The following RANBP2 variants were observed in gnomAD, a reference collection of about 807,000 sequenced individuals.
The protein encoded by RANBP2 is E3 SUMO-protein ligase RanBP2.
In RANBP2, 57 loss-of-function variants were observed where a neutral mutation model predicts 303.6. That is an observed-to-expected ratio of 0.19 (90% CI 0.15 to 0.23). The LOEUF (loss-of-function observed/expected upper bound fraction) is 0.23, where lower values mean the gene tolerates loss of function less well. Among genes scored for constraint, RANBP2 ranks in the 10% least tolerant of loss-of-function variants. The probability of loss-of-function intolerance (pLI) is 1.00; values close to 1 mark genes in which losing one functional copy is unlikely to be tolerated. For missense variants in RANBP2, 3,138 were observed against 3,780.8 expected, an observed-to-expected ratio of 0.83 and a Z score of 4.46; for synonymous variants, 1,167 against 1,301.5, an observed-to-expected ratio of 0.90 and a Z score of 2.23.
chr2:109,652,610 T>A, the RANBP2 span, among the ~76,000 whole-genome samples: 6 of 152,126 alleles, frequency 3.9e-5, no homozygotes, highest in Admixed American at 3.3e-4. Context: ...GACTATGGAT[T>A]CCTCCTGCAC....
the RANBP2 span, among the ~76,000 whole-genome samples, chr2:109,526,999 C>CCATAAAGCT: frequency 3.9e-5 from 6 of 152,258 alleles, no homozygotes; most frequent in South Asian, 1.2e-3. Flanking sequence ...ATAGTGCTTG[C>CCATAAAGCT]CATAAAGCTC....
chr2:109,692,997 C>CGTA, the RANBP2 span, among the ~76,000 whole-genome samples: 1 of 151,636 alleles, frequency 6.6e-6, no homozygotes, highest in African/African-American at 2.4e-5. Flanking sequence ...CTCATTATAC[C>CGTA]GTCTGCCCTT....
At chr2:109,072,366 G>A in the RANBP2 span, among the ~76,000 whole-genome samples, 1 of 152,184 alleles carries the variant, frequency 6.6e-6, no homozygotes, top group Admixed American at 6.5e-5. Context: ...GCCAGAGGAT[G>A]CACTCACTCT....
the RANBP2 span, among the ~76,000 whole-genome samples, chr2:108,899,646 T>C: frequency 2.0e-5 from 3 of 152,110 alleles, no homozygotes; most frequent in African/African-American, 7.2e-5. Flanking sequence ...TAAAGGGACA[T>C]AGAGAAAGGT....
At chr2:108,926,595 G>A in the RANBP2 span, among the ~76,000 whole-genome samples, 1 of 152,208 alleles carries the variant, frequency 6.6e-6, no homozygotes, top group Non-Finnish European at 1.5e-5. Flanking sequence ...GCTCCTCCGG[G>A]GTGAGGCCTG....
chr2:108,862,462 T>C, the RANBP2 span, among the ~76,000 whole-genome samples: 1 of 152,144 alleles, frequency 6.6e-6, no homozygotes, highest in Non-Finnish European at 1.5e-5. Context: ...GATTTTCAGA[T>C]TAGGGATGCT....
the RANBP2 span, chr2:109,593,167 C>G: frequency 7.9e-7 from 1 of 1,261,924 alleles, no homozygotes. Context: ...ACATTACTCC[C>G]CAAACCCCAT....
the RANBP2 span, among the ~76,000 whole-genome samples, chr2:108,837,077 CT>C: frequency 6.6e-6 from 1 of 152,092 alleles, no homozygotes; most frequent in African/African-American, 2.4e-5. Context: ...CTGGCTGGTA[CT>C]ATAGTGAACA....
chr2:108,979,374 A>G, the RANBP2 span, among the ~76,000 whole-genome samples: 2 of 151,368 alleles, frequency 1.3e-5, no homozygotes, highest in Non-Finnish European at 2.9e-5. Context: ...CCCCTGCCCC[A>G]CCACTTCCCC....
At chr2:109,036,686 A>G in the RANBP2 span, among the ~76,000 whole-genome samples, 1 of 152,108 alleles carries the variant, frequency 6.6e-6, no homozygotes, top group African/African-American at 2.4e-5. Context: ...AGTGGTGGGG[A>G]CAATCCTAAG....
the RANBP2 span, chr2:109,544,556 AG>A: frequency 0.1 from 101,070 of 983,874 alleles, 5,919 homozygotes; most frequent in African/African-American, 0.26. Flanking sequence ...TCTCAAGTGG[AG>A]CAGGGTGATA....
chr2:109,340,643 C>G, the RANBP2 span, among the ~76,000 whole-genome samples: 1 of 152,150 alleles, frequency 6.6e-6, no homozygotes, highest in Non-Finnish European at 1.5e-5. Context: ...CATCTGTTTG[C>G]CTCAGCAAGT....
At chr2:109,113,666 A>C in the RANBP2 span, among the ~76,000 whole-genome samples, 2 of 152,200 alleles carry the variant, frequency 1.3e-5, no homozygotes, top group Admixed American at 1.3e-4. Context: ...AACTTCCAAC[A>C]CTATGTTGAA....
At chr2:109,024,893 T>A in the RANBP2 span, among the ~76,000 whole-genome samples, 1 of 152,200 alleles carries the variant, frequency 6.6e-6, no homozygotes, top group Non-Finnish European at 1.5e-5. Context: ...TATTAGCCAC[T>A]GTTAAGTATA....
chr2:108,906,233 C>T, the RANBP2 span: 2 of 1,521,940 alleles, frequency 1.3e-6, no homozygotes, highest in Non-Finnish European at 1.8e-6. Context: ...CTCACAGGAG[C>T]CTCAGGGCTC....
chr2:109,352,213 T>A, the RANBP2 span, among the ~76,000 whole-genome samples: 1 of 152,206 alleles, frequency 6.6e-6, no homozygotes, highest in South Asian at 2.1e-4. Flanking sequence ...GCCCTCTCCT[T>A]TCTTCCTGTC....
intron 12 of RANBP2, 134 bp from the exon 13 acceptor site, chr2:108,752,864 G>C (rs1676011795): frequency 6.4e-7 from 1 of 1,561,794 alleles, no homozygotes; most frequent in South Asian, 1.2e-5. Context: ...GTATTTGGAA[G>C]TTGAACAAAT....
chr2:108,812,767 T>C, the RANBP2 span: 66 of 1,611,178 alleles, frequency 4.1e-5, no homozygotes, highest in Admixed American at 1.7e-4. Flanking sequence ...TACCTTTGAG[T>C]TTACTCATTT....
the RANBP2 span, among the ~76,000 whole-genome samples, chr2:109,447,147 T>TAAAAAAAAAA: frequency 2.7e-4 from 22 of 82,644 alleles, no homozygotes; most frequent in East Asian, 9.5e-4. Context: ...CCTGAATATT[T>TAAAAAAAAAA]AAAAAAAAAA....
Sources: allele counts gnomAD v4.1 joint callset (sites outside exome capture counted in the v4.1 genomes callset), GRCh38; gene constraint gnomAD v4.1.1; transcripts MANE v1.5; gene names NCBI Gene and HGNC (gene_info 2026-07-23, HGNC 2026-07-21).